The following CDH18 variants were observed in gnomAD, a reference collection of about 807,000 sequenced individuals.
CDH18 encodes cadherin-18.
CDH18 carries 31 observed loss-of-function variants against 67.9 expected under a neutral mutation model. That is an observed-to-expected ratio of 0.46 (90% CI 0.34 to 0.62). The LOEUF is 0.62. Ranked by LOEUF, CDH18 falls within the 20% of genes least tolerant of loss-of-function variation. The pLI is 0.01. For missense variants in CDH18, 890 were observed against 975.5 expected, an observed-to-expected ratio of 0.91 and a Z score of 1.17; for synonymous variants, 362 against 347.2, an observed-to-expected ratio of 1.04 and a Z score of -0.48.
chr5:20,292,994 A>G (rs1310823377), intron 1 of CDH18, among the ~76,000 whole-genome samples: 1 of 152,174 alleles, frequency 6.6e-6, no homozygotes, highest in African/African-American at 2.4e-5. Flanking sequence ...AACTCAACCT[A>G]TAACAGCTGT....
intron 1 of CDH18, among the ~76,000 whole-genome samples, chr5:20,456,510 T>C (rs1434166139): frequency 2.6e-5 from 4 of 152,160 alleles, no homozygotes; most frequent in Non-Finnish European, 5.9e-5. Flanking sequence ...TCATTCATTG[T>C]AGGCTATCAC....
intron 1 of CDH18, among the ~76,000 whole-genome samples, chr5:20,511,766 T>C (rs930929499): frequency 6.6e-6 from 1 of 152,234 alleles, no homozygotes; most frequent in Non-Finnish European, 1.5e-5. Flanking sequence ...TTGAAGTCGA[T>C]ACATTTACCT....
At chr5:20,396,880 A>C (rs1345795151) in intron 1 of CDH18, among the ~76,000 whole-genome samples, 2 of 152,188 alleles carry the variant, frequency 1.3e-5, no homozygotes, top group Non-Finnish European at 2.9e-5. Context: ...GTTTCCAAAT[A>C]AAATTATTTG....
chr5:20,163,149 CATCT>C (rs924052347), intron 2 of CDH18, among the ~76,000 whole-genome samples: 9 of 152,132 alleles, frequency 5.9e-5, no homozygotes, highest in Non-Finnish European at 1.2e-4. Flanking sequence ...CACACTGCTT[CATCT>C]ATTTCTTGAG....
At chr5:19,746,193 C>T (rs183970723) in intron 4 of CDH18, among the ~76,000 whole-genome samples, 107 of 152,056 alleles carry the variant, frequency 7.0e-4, no homozygotes, top group South Asian at 3.3e-3. Context: ...ATAGCTACAC[C>T]ACAGAAACCA....
chr5:20,412,108 G>A (rs1303845304), intron 1 of CDH18, among the ~76,000 whole-genome samples: 1 of 152,016 alleles, frequency 6.6e-6, no homozygotes, highest in East Asian at 1.9e-4. Flanking sequence ...AAAGCTGGAG[G>A]CATCACATTA....
chr5:19,543,934 G>C lies in CDH18; in HGVS notation c.1325C>G (p.Thr442Ser). The C allele has an allele frequency of 6.3e-7, 1 of 1,595,644 alleles. No individual in the cohort carries two copies. Among genetic ancestry groups the C allele is most frequent in the Non-Finnish European group, 8.6e-7 (1 of 1,166,380 alleles). ...TTCTTCTCTGTCGAGAACCTTTGTAGTCCTAATGGTCCCAGTATTGGCATC... is the reference window on the plus strand; with the variant it reads ...TTCTTCTCTGTCGAGAACCTTTGTACTCCTAATGGTCCCAGTATTGGCATC... ...NIDANTGTIR[T>S]TKVLDREETP... Residue 442 changes from threonine to serine, a missense_variant, in exon 9 of 13, where the codon ACT becomes AGT. Physicochemically the swap from Thr to Ser is moderately conservative, Grantham distance 58. This residue lies in a region of CDH18 where 656 missense variants were observed against 668.1 expected (regional missense o/e 0.98). Coordinates refer to ENST00000382275, the MANE Select transcript of CDH18 (RefSeq NM_004934.5).
In CDH18 at chr5:20,167,577, C is replaced by T. The variant is rs142372434; in HGVS notation, c.-518+87867G>A. ...ACACTTGGTGCATAGTAGGCAATGG[C>T]GTTAGTTTGGGTACGGTGGTAAATA... is the stretch of plus-strand genomic sequence containing the variant. On this transcript the variant is annotated intron_variant, in intron 2 of 14. Coordinates refer to the CDH18 transcript ENST00000507958. Among the ~76,000 whole-genome samples, 4 of 152,134 alleles carry T rather than the reference C, an allele frequency of 2.6e-5. No individual in the cohort carries two copies. The East Asian group carries it at 5.8e-4, about 22-fold the overall frequency.
At chr5:20,089,954 C>T (rs1473679554) in intron 2 of CDH18, among the ~76,000 whole-genome samples, 1 of 152,080 alleles carries the variant, frequency 6.6e-6, no homozygotes, top group African/African-American at 2.4e-5. Context: ...GAACCTGATA[C>T]ATCTAAGCTT....
chr5:19,631,060 T>G (rs1426793343), intron 5 of CDH18, among the ~76,000 whole-genome samples: 1 of 151,858 alleles, frequency 6.6e-6, no homozygotes, highest in Non-Finnish European at 1.5e-5. Context: ...ATAAATGTCT[T>G]TTCACTGACT....
chr5:19,740,086 G>A (rs544523622), intron 4 of CDH18, among the ~76,000 whole-genome samples: 2 of 152,178 alleles, frequency 1.3e-5, no homozygotes, highest in African/African-American at 4.8e-5. Flanking sequence ...GCAAAAATAA[G>A]TTTGTTATAT....
intron 1 of CDH18, among the ~76,000 whole-genome samples, chr5:20,255,725 G>A (rs536604204): frequency 6.6e-6 from 1 of 151,574 alleles, no homozygotes; most frequent in African/African-American, 2.4e-5. Flanking sequence ...TTTTAGCTCC[G>A]TCACGTGTTA....
chr5:20,255,583 G>A (rs948931815), intron 1 of CDH18: 133 of 151,644 alleles, frequency 8.8e-4, no homozygotes, highest in African/African-American at 2.9e-3. Flanking sequence ...TATTTATTAT[G>A]TCATACATTA....
chr5:20,458,985 A>C (rs190629906), intron 1 of CDH18, among the ~76,000 whole-genome samples: 2 of 152,166 alleles, frequency 1.3e-5, no homozygotes, highest in African/African-American at 4.8e-5. Flanking sequence ...AAAAAAACCA[A>C]TTTCCTAAAA....
intron 2 of CDH18, among the ~76,000 whole-genome samples, chr5:19,960,545 A>G (rs1214682543): frequency 2.6e-5 from 3 of 113,824 alleles, no homozygotes; most frequent in Admixed American, 9.3e-5. Context: ...TGTTTAATAT[A>G]CGTGTGTGTG....
intron 1 of CDH18, among the ~76,000 whole-genome samples, chr5:20,269,609 C>CATTATCCTAAGTG (rs1485676771): frequency 2.7e-4 from 41 of 151,998 alleles, no homozygotes; most frequent in African/African-American, 9.7e-4. Flanking sequence ...CTAAGTGAAA[C>CATTATCCTAAGTG]AAGCCAGGAA....
At chr5:19,877,884 G>A (rs539574172) in intron 2 of CDH18, 9 of 152,174 alleles carry the variant, frequency 5.9e-5, no homozygotes, top group East Asian at 3.9e-4. Context: ...AAATCATTTC[G>A]CATCTCATAT....
intron 11 of CDH18, among the ~76,000 whole-genome samples, chr5:19,485,575 G>A (rs1246131847): frequency 6.6e-6 from 1 of 151,940 alleles, no homozygotes; most frequent in East Asian, 1.9e-4. Context: ...TTTTAAACAT[G>A]TTATAGGATA....
intron 1 of CDH18, among the ~76,000 whole-genome samples, chr5:20,527,610 A>G (rs1756147242): frequency 6.6e-6 from 1 of 152,152 alleles, no homozygotes; most frequent in South Asian, 2.1e-4. Flanking sequence ...AATATTCAAC[A>G]TTCTTAAAGA....
Sources: gnomAD v4.1 joint callset for allele counts (sites outside exome capture counted in the v4.1 genomes callset) on GRCh38, gnomAD v4.1.1 for gene constraint, gnomAD v4.1.1 regional missense constraint, MANE v1.5 for transcripts, NCBI Gene and HGNC (gene_info 2026-07-23, HGNC 2026-07-21) for gene names.